Variants in RYR2 observed in about 807,000 individuals in gnomAD.
RYR2 encodes cardiac muscle ryanodine receptor-calcium release channel.
In RYR2, 227 loss-of-function variants were observed where a neutral mutation model predicts 601.1. The observed-to-expected ratio is 0.38, with a 90% confidence interval of 0.34 to 0.42. RYR2 has a LOEUF of 0.42. Among genes scored for constraint, RYR2 ranks in the 10% least tolerant of loss-of-function variants. The pLI is 1.00. For missense variants in RYR2, 4,646 were observed against 6,156.5 expected, an observed-to-expected ratio of 0.75 and a Z score of 8.21; for synonymous variants, 2,223 against 2,175.1, an observed-to-expected ratio of 1.02 and a Z score of -0.61.
intron 8 of RYR2, among the ~76,000 whole-genome samples, chr1:237,377,657 C>A (rs889963995): frequency 4.6e-5 from 7 of 152,124 alleles, no homozygotes; most frequent in African/African-American, 1.7e-4. Flanking sequence ...TCCCTCATAA[C>A]CTTGATATGC....
In RYR2 at chr1:237,318,008, A is replaced by AT. The variant is rs559652764; in HGVS notation, c.169-12864dup. On this transcript the variant is annotated intron_variant, in intron 2 of 104. Transcript: ENST00000366574. The stretch of plus-strand genomic sequence containing the variant: ...TGTTGTTTTTTCATATGCCTGCTGT[A>AT]TTTTTTGTACCTGTATTCCTCCATT... 3.9e-3 allele frequency among the ~76,000 whole-genome samples: 597 copies of AT among 152,128 alleles called. 2 individuals carry two copies. Among genetic ancestry groups the AT allele is most frequent in the Non-Finnish European group, 6.4e-3 (432 of 67,960 alleles).
chr1:237,268,001 G>A (rs1308161869), intron 1 of RYR2, among the ~76,000 whole-genome samples: 1 of 152,124 alleles, frequency 6.6e-6, no homozygotes, highest in Non-Finnish European at 1.5e-5. Flanking sequence ...GCCAGGATGG[G>A]CATTCACTGT....
intron 1 of RYR2, among the ~76,000 whole-genome samples, chr1:237,217,010 T>C (rs988350235): frequency 2.0e-5 from 3 of 152,148 alleles, no homozygotes; most frequent in Non-Finnish European, 2.9e-5. Flanking sequence ...CATTACAGTA[T>C]TTAGTCCCGA....
intron 24 of RYR2, among the ~76,000 whole-genome samples, chr1:237,515,342 A>T (rs568930018): frequency 6.6e-6 from 1 of 152,376 alleles, no homozygotes; most frequent in East Asian, 1.9e-4. Flanking sequence ...ACACATTCAT[A>T]GAATTTATTT....
rs1038997834 is a variant in RYR2 at position 237,496,409 on chromosome 1, A to G, written c.1962-102A>G. ...GGCAACAGAGCAAGACTCTGTCTCAATAAAATTAAATGAAATACACAAGTG... is the reference window on the plus strand; with the variant it reads ...GGCAACAGAGCAAGACTCTGTCTCAGTAAAATTAAATGAAATACACAAGTG... On this transcript the variant is annotated intron_variant, in intron 19 of 104. Coordinates refer to ENST00000366574, the MANE Select transcript of RYR2 (RefSeq NM_001035.3). 29 of 1,502,612 alleles carry G rather than the reference A, an allele frequency of 1.9e-5. No homozygotes were observed. The Admixed American group carries it at 4.2e-4, about 22-fold the overall frequency. The allele number at this position is 1,502,612 out of a possible 1,614,324, so 93.1% of individuals were successfully genotyped here.
rs140061407 is a variant in RYR2 at position 237,092,199 on chromosome 1, G to T, written c.48+49630G>T. Among the ~76,000 whole-genome samples, 379 of 152,292 alleles carry T rather than the reference G, an allele frequency of 2.5e-3. 1 individual carries two copies. Among genetic ancestry groups the T allele is most frequent in the African/African-American group, 8.1e-3 (338 of 41,566 alleles). ...TGGGCTGTAGTCTGCCCACCCTTGG[G>T]TTAACAATGGGTTGATGTTACCTGG... On this transcript the variant is annotated intron_variant, in intron 1 of 104. Transcript: ENST00000366574.
At chr1:237,508,887 C>T (rs944042846) in intron 23 of RYR2, among the ~76,000 whole-genome samples, 7 of 150,848 alleles carry the variant, frequency 4.6e-5, no homozygotes, top group Admixed American at 3.3e-4. Context: ...GGACTACAGG[C>T]GCCCGCTACC....
intron 15 of RYR2, among the ~76,000 whole-genome samples, chr1:237,455,365 A>G (rs1658684561): frequency 6.6e-6 from 1 of 152,086 alleles, no homozygotes; most frequent in South Asian, 2.1e-4. Context: ...AAGGTTATTC[A>G]TTGAGTACAC....
Position 237,783,956 on chromosome 1 carries a change from G to T in RYR2, c.12244G>T (p.Glu4082Ter). ...TGAGAATGAAACCCTCGACTACGAA[G>T]AGTTCGTCAAACGCTTCCACGAACC... ...TDENETLDYE[E>*]FVKRFHEPAK... Residue 4082 changes from glutamate to a stop codon, truncating the protein, a stop_gained, in exon 90 of 105, where the codon GAG (glutamate) becomes TAG (stop). Coordinates refer to ENST00000366574, the MANE Select transcript of RYR2 (RefSeq NM_001035.3). LOFTEE classifies it high-confidence loss of function. 1 of 1,613,694 alleles carries T rather than the reference G, an allele frequency of 6.2e-7. No individual in the cohort carries two copies. Among genetic ancestry groups the T allele is most frequent in the Non-Finnish European group, 8.5e-7 (1 of 1,179,750 alleles).
At chr1:237,223,967 A>G (rs1206458533) in intron 1 of RYR2, among the ~76,000 whole-genome samples, 2 of 152,190 alleles carry the variant, frequency 1.3e-5, no homozygotes, top group East Asian at 1.9e-4. Flanking sequence ...TTGTTAGTTC[A>G]TTATTCTTAG....
At chr1:237,455,909 G>A (rs996040404) in intron 15 of RYR2, among the ~76,000 whole-genome samples, 1 of 152,244 alleles carries the variant, frequency 6.6e-6, no homozygotes, top group Non-Finnish European at 1.5e-5. Flanking sequence ...ATATTGGGGT[G>A]TAAAAATTAA....
intron 17 of RYR2, among the ~76,000 whole-genome samples, chr1:237,487,162 A>G (rs1190472113): frequency 6.6e-6 from 1 of 152,100 alleles, no homozygotes; most frequent in Non-Finnish European, 1.5e-5. Context: ...TCTTGGTCTT[A>G]TTGAATGTAT....
intron 97 of RYR2, among the ~76,000 whole-genome samples, chr1:237,799,841 C>A (rs1202057640): frequency 6.6e-6 from 1 of 152,160 alleles, no homozygotes; most frequent in East Asian, 1.9e-4. Context: ...TGCAAGCAGT[C>A]TGGAAGGCTG....
At chr1:237,392,807 A>G (rs1000688507) in intron 10 of RYR2, among the ~76,000 whole-genome samples, 27 of 152,298 alleles carry the variant, frequency 1.8e-4, no homozygotes, top group African/African-American at 6.5e-4. Context: ...CATTGTTTGA[A>G]AAGCATTATT....
Position 237,500,774 on chromosome 1 carries a change from G to A in RYR2, c.2267G>A (p.Ser756Asn), listed in dbSNP as rs193922623. 178 of 1,613,868 alleles carry A rather than the reference G, an allele frequency of 1.1e-4. No homozygotes were observed. Among genetic ancestry groups the A allele is most frequent in the Admixed American group, 1.2e-4 (7 of 60,002 alleles). The stretch of plus-strand genomic sequence containing the variant: ...CTGTTAAGAACTGATGATGTCATCA[G>A]TTGCTGTTTAGATCTGAGTGCCCCA... Reference protein sequence around the residue: ...QHLLRTDDVISCCLDLSAPSI... With the variant: ...QHLLRTDDVINCCLDLSAPSI... The change falls in exon 21 of 105, where the codon AGT (serine) becomes AAT (asparagine). Residue 756 changes from serine (S) to asparagine (N), a missense_variant. Transcript: ENST00000366574.
At chr1:237,711,053 C>T (rs956500443) in intron 70 of RYR2, among the ~76,000 whole-genome samples, 11 of 152,164 alleles carry the variant, frequency 7.2e-5, no homozygotes, top group East Asian at 3.9e-4. Flanking sequence ...TCAGTTTCCT[C>T]GATCATTAAA....
In RYR2 at chr1:237,331,884, A is replaced by G. The variant is rs114582768; in HGVS notation, c.273+902A>G. On this transcript the variant is annotated intron_variant, in intron 3 of 104. Transcript: ENST00000366574. ...AGCCTATTTGGTTATTTTATTTTCA[A>G]TGAGACTTCCTGTGACTGATATCTG... is the stretch of plus-strand genomic sequence containing the variant. Among the ~76,000 whole-genome samples, 662 of 152,218 alleles carry G rather than the reference A, an allele frequency of 4.3e-3. 6 individuals carry two copies. Among genetic ancestry groups the G allele is most frequent in the Non-Finnish European group, 6.8e-3 (462 of 68,020 alleles).
At chr1:237,705,375 T>C (rs1474096263) in intron 67 of RYR2, 32 bp downstream of exon 67, 2 of 1,570,716 alleles carry the variant, frequency 1.3e-6, no homozygotes, top group Non-Finnish European at 1.7e-6. Context: ...TGCTTTGAGA[T>C]ATGAAGCTAA....
chr1:237,674,600 A>T, intron 59 of RYR2, 131 bp from the exon 60 acceptor site: 1 of 461,838 alleles, frequency 2.2e-6, no homozygotes, highest in Non-Finnish European at 3.8e-6. Flanking sequence ...ACATTAGAAA[A>T]ACTTCAAAAT....
Sources: gnomAD v4.1 joint callset for allele counts (sites outside exome capture counted in the v4.1 genomes callset) on GRCh38, gnomAD v4.1.1 for gene constraint, MANE v1.5 for transcripts, NCBI Gene and HGNC (gene_info 2026-07-23, HGNC 2026-07-21) for gene names.